Variants in ATP8A2 observed in about 807,000 individuals in gnomAD.
ATP8A2 encodes the protein phospholipid-transporting ATPase IB.
Under a neutral mutation model 165.6 loss-of-function variants are expected in ATP8A2, and 100 were observed. The observed-to-expected ratio is 0.60, with a 90% CI of 0.51 to 0.71. The LOEUF is 0.71. Among genes scored for constraint, ATP8A2 ranks in the 30% least tolerant of loss-of-function variants. The pLI is 0.00. For synonymous variants in ATP8A2, 543 were observed against 548.8 expected (o/e 0.99, Z 0.15); for missense variants, 1,227 against 1,479.5 (o/e 0.83, Z 2.80).
rs1555291289 is a variant in ATP8A2, at chr13:25,531,388, A to ATATATGT, written c.420+733_420+734insGTTATAT. ...GATATATATATGTTATATATATGATATATATATGATTATATATATGATTAT... is the reference window on the plus strand; with the variant it reads ...GATATATATATGTTATATATATGATATATATGTTATATATGATTATATATATGATTAT... On this transcript the variant is annotated intron_variant, in intron 4 of 36. Coordinates refer to ENST00000381655, the MANE Select transcript of ATP8A2 (RefSeq NM_016529.6). Among the ~76,000 whole-genome samples the ATATATGT allele has an allele frequency of 8.4e-3, 597 of 70,698 alleles. 33 individuals carry two copies. The highest frequency in any genetic ancestry group is 0.031 in the African/African-American group (447 of 14,638). The allele number at this position is 70,698 out of a possible 152,430, so 46.4% of individuals were successfully genotyped here.
intron 16 of ATP8A2, among the ~76,000 whole-genome samples, chr13:25,566,765 A>G (rs1157528845): frequency 6.6e-6 from 1 of 152,252 alleles, no homozygotes; most frequent in African/African-American, 2.4e-5. Flanking sequence ...TAAGGACATC[A>G]TTTATATGAA....
chr13:25,702,295 C>T (rs1369206940), intron 25 of ATP8A2, among the ~76,000 whole-genome samples: 2 of 151,950 alleles, frequency 1.3e-5, no homozygotes, highest in Non-Finnish European at 2.9e-5. Context: ...GAAATAAATA[C>T]CTTTAAACTA....
At chr13:25,968,326 G>A (rs144764998) in intron 34 of ATP8A2, among the ~76,000 whole-genome samples, 4 of 152,294 alleles carry the variant, frequency 2.6e-5, no homozygotes, top group African/African-American at 7.2e-5. Context: ...GCCGACTTCC[G>A]GTTCTTTGCG....
At chr13:25,834,817 G>A (rs1240020915) in intron 28 of ATP8A2, among the ~76,000 whole-genome samples, 2 of 152,136 alleles carry the variant, frequency 1.3e-5, no homozygotes, top group Admixed American at 6.5e-5. Flanking sequence ...TGGGACTACA[G>A]GCACACACTC....
Position 25,457,030 on chromosome 13 carries a change from A to G in ATP8A2, c.77-11947A>G, listed in dbSNP as rs1302408108. On this transcript the variant is annotated intron_variant, in intron 1 of 36. Coordinates refer to ENST00000381655, the MANE Select transcript of ATP8A2 (RefSeq NM_016529.6). Reference sequence around the variant, plus strand: ...TCATCATGTTTTAAGAAAGTTTACAAATTTGTGTAGGGCCACGTTCAAAGC... The same window carrying G: ...TCATCATGTTTTAAGAAAGTTTACAGATTTGTGTAGGGCCACGTTCAAAGC... Among the ~76,000 whole-genome samples, 4 of 152,212 alleles carry G rather than the reference A, an allele frequency of 2.6e-5. No individual in the cohort carries two copies. In the East Asian group the frequency reaches 7.7e-4, roughly 29 times the overall value.
At chr13:25,756,207 T>C (rs188633829) in intron 25 of ATP8A2, among the ~76,000 whole-genome samples, 4 of 152,328 alleles carry the variant, frequency 2.6e-5, no homozygotes, top group Admixed American at 2.6e-4. Context: ...TTTTCACCTT[T>C]CATCCATCTT....
At chr13:25,944,122 A>C (rs1393535420) in intron 33 of ATP8A2, among the ~76,000 whole-genome samples, 1 of 152,394 alleles carries the variant, frequency 6.6e-6, no homozygotes, top group East Asian at 1.9e-4. Context: ...CAGTTGATTA[A>C]AATGAAAGTT....
intron 35 of ATP8A2, among the ~76,000 whole-genome samples, chr13:25,977,462 G>A (rs563045092): frequency 1.3e-4 from 20 of 152,292 alleles, no homozygotes; most frequent in Non-Finnish European, 2.1e-4. Context: ...TGACCCAGCC[G>A]GGCTTCTGGT....
intron 1 of ATP8A2, among the ~76,000 whole-genome samples, chr13:25,450,646 T>C (rs192601559): frequency 0.011 from 1,662 of 151,740 alleles, 88 homozygotes; most frequent in Admixed American, 0.082. Context: ...ATTCTCCTGC[T>C]TCAGCCTCCC....
intron 33 of ATP8A2, among the ~76,000 whole-genome samples, chr13:25,945,242 C>T (rs1045610909): frequency 1.3e-5 from 2 of 152,114 alleles, no homozygotes; most frequent in African/African-American, 4.8e-5. Flanking sequence ...GTGTGTGAAT[C>T]GTTAGCCTGC....
At chr13:25,963,434 AAAAG>A (rs1365262678) in intron 34 of ATP8A2, among the ~76,000 whole-genome samples, 4 of 151,876 alleles carry the variant, frequency 2.6e-5, no homozygotes, top group African/African-American at 9.7e-5. Flanking sequence ...AAAGAAAAAG[AAAAG>A]AAAGAAAATA....
At chr13:25,927,443 A>G (rs929161327) in intron 33 of ATP8A2, among the ~76,000 whole-genome samples, 13 of 152,232 alleles carry the variant, frequency 8.5e-5, no homozygotes, top group Non-Finnish European at 1.9e-4. Context: ...TTTCTGGGTC[A>G]TAATGCCAGT....
In ATP8A2 at chr13:25,581,866, A is replaced by G. The variant is rs747181311; in HGVS notation, c.2055A>G (p.Ala685=). The change falls in exon 23 of 37, where the codon GCA becomes GCG. Residue 685 remains alanine, a synonymous_variant. Coordinates refer to ENST00000381655, the MANE Select transcript of ATP8A2 (RefSeq NM_016529.6). ...GATAIEDRLQ[A]GVPETIATLL... ...CAGCCATAGAAGATCGCCTTCAAGCAGGAGTTCCAGAAACCATCGCAACAC... is the reference window on the plus strand; with the variant it reads ...CAGCCATAGAAGATCGCCTTCAAGCGGGAGTTCCAGAAACCATCGCAACAC... The G allele has an allele frequency of 2.0e-5, 32 of 1,613,992 alleles. No homozygotes were observed. The South Asian group carries it at 3.0e-4, about 15-fold the overall frequency.
chr13:25,475,030 G>C (rs2035954387), intron 2 of ATP8A2, among the ~76,000 whole-genome samples: 1 of 152,064 alleles, frequency 6.6e-6, no homozygotes, highest in Non-Finnish European at 1.5e-5. Flanking sequence ...ATGTTTGTCA[G>C]GCTGGTCTCA....
chr13:25,932,872 A>G (rs1954801862), intron 33 of ATP8A2, among the ~76,000 whole-genome samples: 1 of 152,080 alleles, frequency 6.6e-6, no homozygotes, highest in Non-Finnish European at 1.5e-5. Context: ...TTTGAGACGG[A>G]GTCTCACTCT....
At chr13:25,977,280 G>A (rs1956071795) in intron 35 of ATP8A2, among the ~76,000 whole-genome samples, 2 of 151,852 alleles carry the variant, frequency 1.3e-5, no homozygotes, top group Non-Finnish European at 2.9e-5. Flanking sequence ...AAACATTTTA[G>A]TTGAGACAAT....
chr13:25,951,591 G>C (rs1955361899), intron 33 of ATP8A2, among the ~76,000 whole-genome samples: 1 of 152,154 alleles, frequency 6.6e-6, no homozygotes, highest in African/African-American at 2.4e-5. Flanking sequence ...TGTGTTAATG[G>C]CTGAAGATCT....
intron 5 of ATP8A2, 70 bp from the exon 6 acceptor site, chr13:25,533,203 T>C: frequency 1.2e-6 from 1 of 828,224 alleles, no homozygotes; most frequent in Non-Finnish European, 2.0e-6. Context: ...AAAAGAAAGC[T>C]TTTGGATTTT....
At chr13:25,587,427 C>G (rs1421388226) in intron 23 of ATP8A2, among the ~76,000 whole-genome samples, 1 of 151,904 alleles carries the variant, frequency 6.6e-6, no homozygotes, top group Admixed American at 6.6e-5. Flanking sequence ...CTCTCTCCCC[C>G]TGCCATGGCT....
Sources: allele counts gnomAD v4.1 joint callset (sites outside exome capture counted in the v4.1 genomes callset), GRCh38; gene constraint gnomAD v4.1.1; transcripts MANE v1.5; gene names NCBI Gene and HGNC (gene_info 2026-07-23, HGNC 2026-07-21).